The following TAS2R1 variants were observed in gnomAD, a reference collection of about 807,000 sequenced individuals.
The protein encoded by TAS2R1 is taste receptor type 2 member 1.
For missense variants in TAS2R1, 370 were observed against 353.4 expected (o/e 1.05, Z -0.38); for synonymous variants, 141 against 134.2 (o/e 1.05, Z -0.35).
Position 9,629,963 on chromosome 5 carries a change from T to C in TAS2R1, c.70A>G (p.Asn24Asp). The stretch of plus-strand genomic sequence containing the variant: ...CCATTCACCACCACAATGATGCCAT[T>C]TGTGAAAATCCCAAGAAGAAATTGT... ...VIQFLLGIFT[N>D]GIIVVVNGID... is the part of the protein sequence containing the mutation. Residue 24 changes from asparagine to aspartate, a missense_variant, in exon 1 of 1, where the codon AAT becomes GAT. Asn to Asp is a conservative substitution (Grantham distance 23, BLOSUM62 1). Transcript: ENST00000382492. 1 of 1,607,164 alleles carries C rather than the reference T, an allele frequency of 6.2e-7. No homozygotes were observed. Among genetic ancestry groups the C allele is most frequent in the Non-Finnish European group, 8.5e-7 (1 of 1,177,808 alleles).
the TAS2R1 span, among the ~76,000 whole-genome samples, chr5:9,800,615 AAGGG>A: frequency 2.6e-5 from 4 of 152,306 alleles, no homozygotes; most frequent in African/African-American, 7.2e-5. Context: ...GTATAGAGTG[AAGGG>A]AGGAAGGGCC....
the TAS2R1 span, among the ~76,000 whole-genome samples, chr5:9,754,057 C>T: frequency 3.3e-5 from 5 of 152,144 alleles, no homozygotes; most frequent in African/African-American, 1.2e-4. Flanking sequence ...AGCTTATCCA[C>T]CATGATCAAG....
the TAS2R1 span, among the ~76,000 whole-genome samples, chr5:9,873,107 A>C: frequency 6.6e-6 from 1 of 152,214 alleles, no homozygotes; most frequent in Non-Finnish European, 1.5e-5. Context: ...AAAGAGGCTA[A>C]ATAACATGTC....
the TAS2R1 span, among the ~76,000 whole-genome samples, chr5:9,895,994 ATT>A: frequency 6.6e-6 from 1 of 152,224 alleles, no homozygotes; most frequent in East Asian, 1.9e-4. Flanking sequence ...GGCCTCTAAA[ATT>A]TCTATGATGA....
the TAS2R1 span, among the ~76,000 whole-genome samples, chr5:9,739,037 C>A: frequency 1.3e-5 from 2 of 152,174 alleles, no homozygotes; most frequent in Non-Finnish European, 2.9e-5. Context: ...TCCCTAGTAC[C>A]TGCCTATTTC....
the TAS2R1 span, among the ~76,000 whole-genome samples, chr5:9,823,909 C>T: frequency 3.3e-5 from 5 of 152,162 alleles, no homozygotes; most frequent in South Asian, 2.1e-4. Flanking sequence ...GTGGGCAACA[C>T]TGATAGAACT....
chr5:9,837,886 C>T, the TAS2R1 span, among the ~76,000 whole-genome samples: 1 of 152,174 alleles, frequency 6.6e-6, no homozygotes, highest in Non-Finnish European at 1.5e-5. Context: ...AGTAGGTTCA[C>T]ATTAGATAGG....
At chr5:9,781,657 T>A in the TAS2R1 span, among the ~76,000 whole-genome samples, 1 of 152,294 alleles carries the variant, frequency 6.6e-6, no homozygotes, top group East Asian at 1.9e-4. Flanking sequence ...CCTCCCTGTG[T>A]TCCCAAAAGA....
At chr5:9,675,884 G>A (rs1401287410) in intron 1 of TAS2R1, among the ~76,000 whole-genome samples, 2 of 152,136 alleles carry the variant, frequency 1.3e-5, no homozygotes, top group Non-Finnish European at 2.9e-5. Flanking sequence ...AGGAATTCCA[G>A]TGTTATGTTG....
At chr5:9,682,058 C>T (rs770898120) in intron 1 of TAS2R1, among the ~76,000 whole-genome samples, 2 of 152,048 alleles carry the variant, frequency 1.3e-5, no homozygotes, top group African/African-American at 2.4e-5. Flanking sequence ...AATATGATCA[C>T]AGTATCTGGA....
intron 2 of TAS2R1, chr5:9,645,627 T>A (rs2126484320): frequency 6.6e-6 from 1 of 152,288 alleles, no homozygotes; most frequent in South Asian, 2.1e-4. Context: ...AGTCAACATA[T>A]CCATTCACCT....
chr5:9,766,971 C>T, the TAS2R1 span, among the ~76,000 whole-genome samples: 30 of 152,124 alleles, frequency 2.0e-4, 1 homozygote, highest in Non-Finnish European at 4.0e-4. Context: ...GCTCTCTTCT[C>T]TCCCATCCAT....
At chr5:9,851,310 T>C in the TAS2R1 span, among the ~76,000 whole-genome samples, 6 of 152,346 alleles carry the variant, frequency 3.9e-5, no homozygotes, top group East Asian at 1.2e-3. Context: ...GCATGTTGGC[T>C]AGACAACAAA....
the TAS2R1 span, among the ~76,000 whole-genome samples, chr5:9,885,590 G>A: frequency 6.6e-6 from 1 of 151,866 alleles, no homozygotes; most frequent in Non-Finnish European, 1.5e-5. Flanking sequence ...ATATAAGTCA[G>A]GGGGGAAAAA....
upstream of TAS2R1, among the ~76,000 whole-genome samples, chr5:9,631,449 C>T (rs934894428): frequency 1.3e-5 from 2 of 152,076 alleles, no homozygotes; most frequent in Non-Finnish European, 2.9e-5. Context: ...GCTACATAGC[C>T]CAGGCTAGCC....
At chr5:9,830,864 A>T in the TAS2R1 span, among the ~76,000 whole-genome samples, 13 of 152,058 alleles carry the variant, frequency 8.5e-5, no homozygotes, top group Non-Finnish European at 1.6e-4. Context: ...AGGTGAACAT[A>T]GATATAGAGA....
chr5:9,638,356 G>A (rs956287843), intron 2 of TAS2R1, among the ~76,000 whole-genome samples: 2 of 152,176 alleles, frequency 1.3e-5, no homozygotes, highest in African/African-American at 4.8e-5. Context: ...GACTCTGTGA[G>A]AGCCCTTGAT....
At chr5:9,793,523 T>C in the TAS2R1 span, among the ~76,000 whole-genome samples, 1 of 152,236 alleles carries the variant, frequency 6.6e-6, no homozygotes, top group East Asian at 1.9e-4. Context: ...TGTCATAAGA[T>C]AGGAGGCCTT....
chr5:9,735,112 G>A, the TAS2R1 span, among the ~76,000 whole-genome samples: 5 of 151,226 alleles, frequency 3.3e-5, no homozygotes, highest in Non-Finnish European at 7.3e-5. Context: ...AGGGGGAAGT[G>A]CCACACACTT....
Sources: allele counts gnomAD v4.1 joint callset (sites outside exome capture counted in the v4.1 genomes callset), GRCh38; gene constraint gnomAD v4.1.1; transcripts MANE v1.5; gene names NCBI Gene and HGNC (gene_info 2026-07-23, HGNC 2026-07-21).